Variants in KDM4B observed in about 807,000 individuals in gnomAD.
KDM4B encodes lysine-specific demethylase 4B.
KDM4B carries 32 observed loss-of-function variants against 125.2 expected under a neutral mutation model. The ratio of observed to expected loss-of-function variants is 0.26; its 90% confidence interval spans 0.19 to 0.34. The LOEUF is 0.34. KDM4B is among the 10% of genes least tolerant of loss of function. The pLI is 1.00. For missense variants in KDM4B, 1,190 were observed against 1,577.7 expected (o/e 0.75, Z 4.16); for synonymous variants, 721 against 677.9 (o/e 1.06, Z -0.99).
At chr19:5,072,261 A>G (rs945031832) in intron 7 of KDM4B, among the ~76,000 whole-genome samples, 1 of 152,228 alleles carries the variant, frequency 6.6e-6, no homozygotes, top group Non-Finnish European at 1.5e-5. Flanking sequence ...CTCCTGTCCC[A>G]GAGACTGCGC....
rs945056622 is a variant in KDM4B, at chr19:5,144,420, G to C, written c.2901+8G>C. 32 of 1,555,426 alleles carry C rather than the reference G, an allele frequency of 2.1e-5. No homozygotes were observed. The highest frequency in any genetic ancestry group is 2.8e-5 in the Non-Finnish European group (32 of 1,148,818). ...TACCCTGAGAGCATCACGGTGAGCTGTGGGGTGGGGCAGGGGGCGGGGGGA... is the reference window on the plus strand; with the variant it reads ...TACCCTGAGAGCATCACGGTGAGCTCTGGGGTGGGGCAGGGGGCGGGGGGA... On this transcript the variant is annotated splice_region_variant and intron_variant, in intron 20 of 22. Transcript: ENST00000159111.
chr19:4,991,990 CGGGTGGCAGTGGTAA>C (rs1371786642), intron 1 of KDM4B, among the ~76,000 whole-genome samples: 1 of 152,106 alleles, frequency 6.6e-6, no homozygotes, highest in Non-Finnish European at 1.5e-5. Context: ...TTCTGTGAGA[CGGGTGGCAGTGGTAA>C]GGTCCCATCT....
intron 7 of KDM4B, chr19:5,077,013 G>A (rs2038138068): frequency 7.2e-6 from 2 of 278,908 alleles, no homozygotes; most frequent in Non-Finnish European, 6.8e-6. Flanking sequence ...TGTCACACAA[G>A]TAACCCTGGT....
intron 6 of KDM4B, among the ~76,000 whole-genome samples, chr19:5,050,464 G>T (rs950837994): frequency 2.0e-5 from 3 of 152,270 alleles, no homozygotes; most frequent in African/African-American, 7.2e-5. Flanking sequence ...CGGAGTGCAG[G>T]TGGGTGTGGG....
At position 5,108,863 on chromosome 19, in the gene KDM4B, C is replaced by T. The variant is rs1424676314; in HGVS notation, c.919-1759C>T. Among the ~76,000 whole-genome samples the T allele has an allele frequency of 2.6e-5, 4 of 152,152 alleles. No homozygotes were observed. The East Asian group carries it at 7.7e-4, about 29-fold the overall frequency. On this transcript the variant is annotated intron_variant, in intron 9 of 22. Coordinates refer to ENST00000159111, the MANE Select transcript of KDM4B (RefSeq NM_015015.3). ...ACGCGGTCCCTGGGCCCGCCTCTCC[C>T]CAGCAGGAGATGAGGTCTGTGCCCC...
At chr19:5,095,182 G>A (rs111497825) in intron 9 of KDM4B, among the ~76,000 whole-genome samples, 4 of 152,314 alleles carry the variant, frequency 2.6e-5, no homozygotes, top group Non-Finnish European at 4.4e-5. Context: ...AGAACCGCCC[G>A]CTGGTGGCTG....
chr19:5,043,961 T>C (rs946692660), intron 5 of KDM4B, among the ~76,000 whole-genome samples: 1 of 134,286 alleles, frequency 7.4e-6, no homozygotes, highest in Admixed American at 7.7e-5. Context: ...TCCCGCGTGG[T>C]GGTTATCGGA....
At chr19:5,126,169 A>T (rs1279868753) in intron 11 of KDM4B, among the ~76,000 whole-genome samples, 1 of 152,158 alleles carries the variant, frequency 6.6e-6, no homozygotes, top group Non-Finnish European at 1.5e-5. Context: ...GCCAGGGGGC[A>T]TCAGCATCGG....
intron 18 of KDM4B, 25 bp from the exon 19 acceptor site, chr19:5,143,942 C>A: frequency 1.3e-6 from 2 of 1,555,826 alleles, no homozygotes; most frequent in Non-Finnish European, 1.8e-6. Flanking sequence ...GAGCCCCATG[C>A]CCCTGCCTGT....
chr19:5,007,321 C>T (rs915294582), intron 1 of KDM4B, among the ~76,000 whole-genome samples: 2 of 152,192 alleles, frequency 1.3e-5, no homozygotes, highest in Non-Finnish European at 2.9e-5. Context: ...TGCTTCATTG[C>T]TGTGATGTCA....
chr19:5,122,188 C>T (rs1319054840), intron 11 of KDM4B, among the ~76,000 whole-genome samples: 3 of 152,168 alleles, frequency 2.0e-5, no homozygotes, highest in Admixed American at 6.5e-5. Context: ...TCCTGCCTGT[C>T]TCAGTGTCTA....
At chr19:5,030,122 A>AT (rs1036847335) in intron 2 of KDM4B, among the ~76,000 whole-genome samples, 25 of 151,774 alleles carry the variant, frequency 1.6e-4, no homozygotes, top group Non-Finnish European at 2.8e-4. Context: ...TTATTTATCT[A>AT]TTTTTTGAGA....
intron 1 of KDM4B, among the ~76,000 whole-genome samples, chr19:5,000,471 A>G (rs1222126459): frequency 6.6e-6 from 1 of 151,898 alleles, no homozygotes; most frequent in African/African-American, 2.4e-5. Flanking sequence ...ATTAATGCCC[A>G]TGAGTTCACA....
At chr19:5,131,769 A>C in intron 12 of KDM4B, 118 bp from the exon 13 acceptor site, 1 of 1,288,810 alleles carries the variant, frequency 7.8e-7, no homozygotes, top group East Asian at 2.4e-5. Context: ...TTGCTGGGAC[A>C]GTCACCCCAG....
chr19:5,093,482 C>G (rs898169212), intron 9 of KDM4B, among the ~76,000 whole-genome samples: 2 of 152,192 alleles, frequency 1.3e-5, no homozygotes, highest in African/African-American at 4.8e-5. Context: ...TTTGTTGACG[C>G]GGCTGCCGAG....
At position 5,144,113 on chromosome 19, in the gene KDM4B, C is replaced by T. The variant is rs1380380578; in HGVS notation, c.2697C>T (p.Val899=). The change falls in exon 19 of 23, where the codon GTC becomes GTT. Residue 899 remains valine, a synonymous_variant. Coordinates refer to ENST00000159111, the MANE Select transcript of KDM4B (RefSeq NM_015015.3). ...AGCCGGACGACTGGCCCTATGTGGT[C>T]TCCATCACCTGCCTCAAGCACAAGT... is the stretch of plus-strand genomic sequence containing the variant. ...LMEPDDWPYV[V]SITCLKHKSG... The T allele has an allele frequency of 1.9e-6, 3 of 1,600,874 alleles. No homozygotes were observed. Among genetic ancestry groups the T allele is most frequent in the East Asian group, 2.2e-5 (1 of 44,464 alleles).
At chr19:5,090,988 G>C (rs1040771884) in intron 9 of KDM4B, among the ~76,000 whole-genome samples, 2 of 152,152 alleles carry the variant, frequency 1.3e-5, no homozygotes, top group Non-Finnish European at 2.9e-5. Flanking sequence ...CCCCCGGCAT[G>C]TGCTCCAGCA....
At chr19:5,140,690 G>C (rs1599264293) in intron 18 of KDM4B, 1 of 152,122 alleles carries the variant, frequency 6.6e-6, no homozygotes, top group Non-Finnish European at 1.5e-5. Context: ...AGCTGAGATT[G>C]CGCCACTGCA....
Position 5,151,411 on chromosome 19 carries a change from G to T in KDM4B, c.3191G>T (p.Gly1064Val). The T allele has an allele frequency of 2.5e-6, 4 of 1,578,698 alleles. No homozygotes were observed. The highest frequency in any genetic ancestry group is 3.4e-6 in the Non-Finnish European group (4 of 1,165,030). Residue 1064 changes from glycine (G) to valine (V), a missense_variant, in exon 23 of 23, where the codon GGC becomes GTC. Transcript: ENST00000159111. Reference sequence around the variant, plus strand: ...AAGGCCGCCAAGCGCCCGCGTGTGGGCACCCCGCTTGCCACGGAGGACTCC... The same window carrying T: ...AAGGCCGCCAAGCGCCCGCGTGTGGTCACCCCGCTTGCCACGGAGGACTCC... ...EAKAAKRPRV[G>V]TPLATEDSGR...
Sources: allele counts gnomAD v4.1 joint callset (sites outside exome capture counted in the v4.1 genomes callset), GRCh38; gene constraint gnomAD v4.1.1; transcripts MANE v1.5; gene names NCBI Gene and HGNC (gene_info 2026-07-23, HGNC 2026-07-21).